Variants in OVCH1 observed in about 807,000 individuals in gnomAD.
OVCH1 encodes ovochymase 1, also known as ovochymase-1.
A neutral mutation model predicts 138.4 loss-of-function variants in OVCH1; 139 were observed. The observed-to-expected ratio is 1.00, with a 90% CI of 0.87 to 1.16. The LOEUF (loss-of-function observed/expected upper bound fraction) is 1.16, where lower values mean the gene tolerates loss of function less well. OVCH1 is among the 50% of genes most tolerant of loss of function. The pLI is 0.00. For missense variants in OVCH1, 1,367 were observed against 1,357.9 expected, an observed-to-expected ratio of 1.01 and a Z score of -0.11; for synonymous variants, 453 against 467.8, an observed-to-expected ratio of 0.97 and a Z score of 0.41.
downstream of OVCH1, among the ~76,000 whole-genome samples, chr12:29,409,447 T>A (rs1395578205): frequency 6.6e-6 from 1 of 152,052 alleles, no homozygotes; most frequent in Non-Finnish European, 1.5e-5. Context: ...GGGCATTTAG[T>A]GCTATAAATT....
chr12:29,436,474 A>G (rs570089251), intron 26 of OVCH1, among the ~76,000 whole-genome samples: 16 of 152,312 alleles, frequency 1.1e-4, no homozygotes, highest in African/African-American at 3.6e-4. Flanking sequence ...TATATTTTTT[A>G]TGTATTTGTC....
chr12:29,479,064 C>T (rs2136042223), intron 8 of OVCH1, among the ~76,000 whole-genome samples, 96 bp from the exon 10 acceptor site: 1 of 152,156 alleles, frequency 6.6e-6, no homozygotes, highest in Admixed American at 6.5e-5. Context: ...AACTCAACAA[C>T]CATACAATTT....
chr12:29,405,910 A>G, the OVCH1 span, among the ~76,000 whole-genome samples: 1 of 152,328 alleles, frequency 6.6e-6, no homozygotes, highest in African/African-American at 2.4e-5. Flanking sequence ...AGTCTATTGG[A>G]TATTTGTAAC....
In OVCH1 at chr12:29,496,360, T is replaced by G. The variant is rs539969511; in HGVS notation, c.184-82A>C. The G allele has an allele frequency of 1.4e-4, 175 of 1,260,640 alleles. No individual in the cohort carries two copies. The Middle Eastern group carries it at 2.0e-3, about 15-fold the overall frequency. The allele number at this position is 1,260,640 out of a possible 1,614,324, so 78.1% of individuals were successfully genotyped here. On this transcript the variant is annotated intron_variant, in intron 2 of 27. Transcript: ENST00000318184. ...CATCGGAAACACTGGAGATCAACTT[T>G]TCTAATCTGACATAATATTCTTAAA...
At chr12:29,451,319 G>A (rs1028213387) in intron 22 of OVCH1, 26 bp downstream of exon 22, 48 of 1,579,178 alleles carry the variant, frequency 3.0e-5, no homozygotes, top group East Asian at 6.7e-5. Flanking sequence ...CTCCTAGCAC[G>A]AAGTTTATAT....
intron 12 of OVCH1, among the ~76,000 whole-genome samples, chr12:29,476,890 G>A (rs1942753008): frequency 6.6e-6 from 1 of 151,908 alleles, no homozygotes; most frequent in Non-Finnish European, 1.5e-5. Context: ...GGAATCTGAT[G>A]AGGAGCCTTA....
Position 29,494,446 on chromosome 12 carries a change from T to G in OVCH1, c.454+839A>C, listed in dbSNP as rs542293981. The stretch of plus-strand genomic sequence containing the variant: ...TGTTCACAGTAATGACAGAAAGAAG[T>G]CTCTGAAAATATTTTCAAATGTTTC... On this transcript the variant is annotated intron_variant, in intron 4 of 27. Coordinates refer to ENST00000318184, the Ensembl canonical transcript of OVCH1. Among the ~76,000 whole-genome samples the G allele has an allele frequency of 6.3e-4, 96 of 152,228 alleles. 1 individual carries two copies. The South Asian group carries it at 0.012, about 19-fold the overall frequency.
chr12:29,409,939 G>A (rs1940932151), downstream of OVCH1, among the ~76,000 whole-genome samples: 3 of 152,138 alleles, frequency 2.0e-5, no homozygotes. Flanking sequence ...GTGTGTGGGA[G>A]TCTAAGTTTC....
chr12:29,461,672 C>T, intron 19 of OVCH1, 182 bp downstream of exon 19: 1 of 796,134 alleles, frequency 1.3e-6, no homozygotes, highest in Non-Finnish European at 2.1e-6. Context: ...CACTCTCTGA[C>T]ATCTCAGCAA....
At chr12:29,465,860 A>G (rs1055316231) in intron 16 of OVCH1, among the ~76,000 whole-genome samples, 9 of 152,094 alleles carry the variant, frequency 5.9e-5, no homozygotes, top group East Asian at 1.9e-4. Flanking sequence ...ACATCCATCA[A>G]TGATAGACTG....
chr12:29,471,336 C>A (rs987059465), intron 16 of OVCH1, among the ~76,000 whole-genome samples: 7 of 152,172 alleles, frequency 4.6e-5, no homozygotes, highest in African/African-American at 1.7e-4. Context: ...CTATTGTGGT[C>A]TCCACTGACA....
At chr12:29,497,656 G>A (rs1215008132) in exon 1 of OVCH1, 1 of 1,613,970 alleles carries the variant, frequency 6.2e-7, no homozygotes, top group Non-Finnish European at 8.5e-7. Flanking sequence ...ACCAGCAACA[G>A]CAACAAACCA....
rs74937229 is a variant in OVCH1 at position 29,414,020 on chromosome 12, CTTTTTTTTTTT to C, written c.*72-1306_*72-1296del. 9.1e-4 allele frequency among the ~76,000 whole-genome samples: 35 copies of C among 38,536 alleles called. No homozygotes were observed. In the East Asian group the frequency reaches 0.025, roughly 27 times the overall value. 25.3% of individuals were successfully genotyped at this position (38,536 alleles called of 152,430 possible). A position where few individuals can be genotyped will look rare whatever the true frequency, so the allele number is the denominator to read the frequency against. ...GCTGGCTTTTCTCCTCTCTCTCTCTCTTTTTTTTTTTTTTTTTTTTTTGGAGTATTGCTCTG... is the reference window on the plus strand; with the variant it reads ...GCTGGCTTTTCTCCTCTCTCTCTCTCTTTTTTTTTTTGGAGTATTGCTCTG... On this transcript the variant is annotated intron_variant and NMD_transcript_variant, in intron 3 of 4. Coordinates refer to the OVCH1 transcript ENST00000539117.
At chr12:29,453,931 T>A (rs887256380) in intron 21 of OVCH1, among the ~76,000 whole-genome samples, 1 of 152,200 alleles carries the variant, frequency 6.6e-6, no homozygotes, top group Non-Finnish European at 1.5e-5. Flanking sequence ...TAGTTCACTA[T>A]GTCATTTTCT....
chr12:29,413,823 G>T (rs1940995545), intron 3 of OVCH1, among the ~76,000 whole-genome samples: 1 of 152,082 alleles, frequency 6.6e-6, no homozygotes, highest in Non-Finnish European at 1.5e-5. Context: ...TAAAAAAATT[G>T]TATAAACTCT....
chr12:29,452,573 T>C (rs11611065), intron 21 of OVCH1, among the ~76,000 whole-genome samples: 20,936 of 152,204 alleles, frequency 0.14, 1,442 homozygotes, highest in African/African-American at 0.15. Flanking sequence ...AATCAAATTG[T>C]TTTCCTGCTG....
At position 29,488,620 on chromosome 12, in the gene OVCH1, C is replaced by CAAAAAA. The variant is rs67595567; in HGVS notation, c.703-744_703-739dup. ...TGGGCAACAGAGTGAGACTCCATCT[C>CAAAAAA]AAAAAAAAAAAAAAAAAAAAAAAGA... On this transcript the variant is annotated intron_variant, in intron 6 of 27. Coordinates refer to ENST00000318184, the Ensembl canonical transcript of OVCH1. Among the ~76,000 whole-genome samples, 46 of 61,692 alleles carry CAAAAAA rather than the reference C, an allele frequency of 7.5e-4. 1 individual carries two copies. Among genetic ancestry groups the CAAAAAA allele is most frequent in the Non-Finnish European group, 8.1e-4 (28 of 34,458 alleles). The allele number at this position is 61,692 out of a possible 152,430, so 40.5% of individuals were successfully genotyped here. A position where few individuals can be genotyped will look rare whatever the true frequency, so the allele number is the denominator to read the frequency against.
intron 4 of OVCH1, among the ~76,000 whole-genome samples, chr12:29,492,858 G>C (rs545598893): frequency 6.6e-6 from 1 of 152,124 alleles, no homozygotes; most frequent in South Asian, 2.1e-4. Context: ...ACTAAGAAAG[G>C]GTACAATAGG....
intron 16 of OVCH1, among the ~76,000 whole-genome samples, chr12:29,470,609 A>G (rs948935014): frequency 2.6e-5 from 4 of 152,216 alleles, no homozygotes; most frequent in Non-Finnish European, 5.9e-5. Flanking sequence ...TTCTTTAACC[A>G]ATCTATCATT....
Sources: allele counts gnomAD v4.1 joint callset (sites outside exome capture counted in the v4.1 genomes callset), GRCh38; gene constraint gnomAD v4.1.1; transcripts MANE v1.5; gene names NCBI Gene and HGNC (gene_info 2026-07-23, HGNC 2026-07-21).